Variants in COL11A2 observed in about 807,000 individuals in gnomAD.
COL11A2 encodes the protein collagen alpha-2(XI) chain.
A neutral mutation model predicts 273.4 loss-of-function variants in COL11A2; 116 were observed. The ratio of observed to expected loss-of-function variants is 0.42; its 90% CI spans 0.36 to 0.49. The LOEUF is 0.49. Ranked by LOEUF, COL11A2 falls within the 20% of genes least tolerant of loss-of-function variation. The pLI is 0.00. For missense variants in COL11A2, 1,866 were observed against 2,309.0 expected (o/e 0.81, Z 3.93); for synonymous variants, 782 against 864.2 (o/e 0.90, Z 1.67).
In COL11A2 at chr6:33,163,916, C is replaced by T; in HGVS notation, c.5071-98G>A. The stretch of plus-strand genomic sequence containing the variant: ...CTCACCTCTCCTCTGAGCACCTTGG[C>T]CCCATCAGGGTGACTCAGGATGTAC... On this transcript the variant is annotated intron_variant, in intron 65 of 65. Coordinates refer to ENST00000341947, the MANE Select transcript of COL11A2 (RefSeq NM_080680.3). The surrounding 1 kb of genome is among the most constrained non-coding windows in gnomAD (Gnocchi z 4.1). 6 of 1,572,640 alleles carry T rather than the reference C, an allele frequency of 3.8e-6. No homozygotes were observed. Among genetic ancestry groups the T allele is most frequent in the Non-Finnish European group, 5.2e-6 (6 of 1,145,888 alleles).
intron 39 of COL11A2, 68 bp downstream of exon 39, chr6:33,172,462 C>A: frequency 6.4e-7 from 1 of 1,570,358 alleles, no homozygotes; most frequent in South Asian, 1.1e-5. Flanking sequence ...AAATCTCCAA[C>A]TACCTGTTCC....
At position 33,178,134 on chromosome 6, in the gene COL11A2, G is replaced by A. The variant is rs768943535; in HGVS notation, c.1870C>T (p.Pro624Ser). The change falls in exon 21 of 66, where the codon CCT (proline) becomes TCT (serine). Residue 624 changes from proline to serine, a missense_variant and splice_region_variant. Transcript: ENST00000341947. This position sits in a 1 kb window ranked among gnomAD's most constrained non-coding sequence, Gnocchi z 4.6. ...TCAGAAGTCAGGGAGTCACTTACAGGGGGTCCAGGAATACCAGGTGGGCCT... is the reference window on the plus strand; with the variant it reads ...TCAGAAGTCAGGGAGTCACTTACAGAGGGTCCAGGAATACCAGGTGGGCCT... ...PKGPPGIPGP[P>S]GVRGMDGPQG... 3 of 1,608,804 alleles carry A rather than the reference G, an allele frequency of 1.9e-6. No individual in the cohort carries two copies. The highest frequency in any genetic ancestry group is 2.2e-5 in the South Asian group (2 of 90,618).
In COL11A2 at chr6:33,165,518, G is replaced by A; in HGVS notation, c.4750+31C>T. On this transcript the variant is annotated intron_variant, in intron 63 of 65. Coordinates refer to ENST00000341947, the MANE Select transcript of COL11A2 (RefSeq NM_080680.3). The surrounding 1 kb of genome is among the most constrained non-coding windows in gnomAD (Gnocchi z 7.7). Reference sequence around the variant, plus strand: ...TGTTCAGTACCCATGCTGTTGGGGAGATGTTTGTGCACCCTGAGGCTAGCA... The same window carrying A: ...TGTTCAGTACCCATGCTGTTGGGGAAATGTTTGTGCACCCTGAGGCTAGCA... 1 of 1,609,058 alleles carries A rather than the reference G, an allele frequency of 6.2e-7. No individual in the cohort carries two copies. The highest frequency in any genetic ancestry group is 1.3e-5 in the African/African-American group (1 of 74,994).
chr6:33,169,005 G>T lies in COL11A2; in HGVS notation c.3802C>A (p.Pro1268Thr), dbSNP rs765708556. 6.2e-7 allele frequency: 1 copy of T among 1,607,836 alleles called. No individual in the cohort carries two copies. The highest frequency in any genetic ancestry group is 1.1e-5 in the South Asian group (1 of 90,346). ...CCAGGGTCACCAGGAAAACCAACAGGACCCTGATCCAGATGGAGAATAAGA... is the reference window on the plus strand; with the variant it reads ...CCAGGGTCACCAGGAAAACCAACAGTACCCTGATCCAGATGGAGAATAAGA... ...GDDGPKGNPG[P>T]VGFPGDPGPP... The change falls in exon 52 of 66, where the codon CCT (proline) becomes ACT (threonine). Residue 1268 changes from proline (P) to threonine (T), a missense_variant. Pro to Thr is a conservative substitution (Grantham distance 38). Transcript: ENST00000341947. This position sits in a 1 kb window ranked among gnomAD's most constrained non-coding sequence, Gnocchi z 5.5.
At chr6:33,171,617 C>T in intron 42 of COL11A2, 43 bp from the exon 43 acceptor site, 5 of 1,600,026 alleles carry the variant, frequency 3.1e-6, no homozygotes, top group Non-Finnish European at 4.3e-6. Flanking sequence ...AGGTGACCCT[C>T]ACCCTCAAAC....
In COL11A2 at chr6:33,167,448, A is replaced by G. The variant is rs772910810; in HGVS notation, c.4100T>C (p.Leu1367Pro). 5 of 1,612,634 alleles carry G rather than the reference A, an allele frequency of 3.1e-6. No homozygotes were observed. Among genetic ancestry groups the G allele is most frequent in the Non-Finnish European group, 4.2e-6 (5 of 1,179,948 alleles). Residue 1367 changes from leucine to proline, a missense_variant, in exon 56 of 66, where the codon CTG becomes CCG. Physicochemically the swap from Leu to Pro is moderately conservative, Grantham distance 98. Coordinates refer to ENST00000341947, the MANE Select transcript of COL11A2 (RefSeq NM_080680.3). The surrounding 1 kb of genome is among the most constrained non-coding windows in gnomAD (Gnocchi z 6.1). ...GPAGKPGPDGLRGLPGSVGQQ... is the reference protein window; with the variant it reads ...GPAGKPGPDGPRGLPGSVGQQ... ...CACCACTGAGCCTGGGAGCCCCCTC[A>G]GACCATCAGGGCCAGGTTTCCCTGC... is the stretch of plus-strand genomic sequence containing the variant.
Position 33,177,223 on chromosome 6 carries a change from A to T in COL11A2, c.1974T>A (p.Gly658=). 6.2e-7 allele frequency: 1 copy of T among 1,612,972 alleles called. No individual in the cohort carries two copies. The highest frequency in any genetic ancestry group is 8.5e-7 in the Non-Finnish European group (1 of 1,180,000). Reference sequence around the variant, plus strand: ...CGATGGCACCCTGGGGCCCGGGAAGACCCTACATACAGGGAAAGAGAAGTC... The same window carrying T: ...CGATGGCACCCTGGGGCCCGGGAAGTCCCTACATACAGGGAAAGAGAAGTC... ...PGQQGTPGTQ[G]LPGPQGAIGP... Residue 658 remains glycine (G), a splice_region_variant and synonymous_variant, in exon 24 of 66, where the codon GGT becomes GGA. Transcript: ENST00000341947. The surrounding 1 kb of genome is among the most constrained non-coding windows in gnomAD (Gnocchi z 5.9).
chr6:33,166,540 AATGGGGCCGGATG>A lies in COL11A2; in HGVS notation c.4352_4364del (p.Ala1451ValfsTer46). ...GGAGGCCGGGGGGACCTCCAGGACC[AATGGGGCCGGATG>A]CTCCTGGGATACCCTAGGAAGGGTA... On this transcript the variant is annotated frameshift_variant, in exon 60 of 66. Coordinates refer to ENST00000341947, the MANE Select transcript of COL11A2 (RefSeq NM_080680.3). LOFTEE classifies it high-confidence loss of function. This position sits in a 1 kb window ranked among gnomAD's most constrained non-coding sequence, Gnocchi z 4.8. The A allele has an allele frequency of 6.2e-7, 1 of 1,613,838 alleles. No homozygotes were observed. Among genetic ancestry groups the A allele is most frequent in the East Asian group, 2.2e-5 (1 of 44,864 alleles).
intron 31 of COL11A2, 142 bp from the exon 32 acceptor site, chr6:33,174,360 C>A: frequency 7.2e-7 from 1 of 1,396,154 alleles, no homozygotes; most frequent in East Asian, 2.5e-5. Flanking sequence ...CTTGGACAAA[C>A]CCCTGCTGCT....
In COL11A2 at chr6:33,186,736, C is replaced by T. The variant is rs143571317; in HGVS notation, c.689G>A (p.Gly230Glu). 2.3e-5 allele frequency: 37 copies of T among 1,613,986 alleles called. No homozygotes were observed. The highest frequency in any genetic ancestry group is 2.7e-5 in the Non-Finnish European group (32 of 1,180,040). ...GTTTTGGGGTCTTTCCCTCTGGCCC[C>T]CCTCGCATTCCAGCTCCTTCTGTTC... ...SCEQKELECE[G>E]GQRERPQNQQ... is the part of the protein sequence containing the mutation. Residue 230 changes from glycine to glutamate, a missense_variant, in exon 5 of 66, where the codon GGG becomes GAG. Physicochemically the swap from Gly to Glu is moderately conservative, Grantham distance 98. Transcript: ENST00000341947.
chr6:33,178,481 G>A lies in COL11A2; in HGVS notation c.1727C>T (p.Thr576Ile). 3 of 1,612,832 alleles carry A rather than the reference G, an allele frequency of 1.9e-6. No individual in the cohort carries two copies. Among genetic ancestry groups the A allele is most frequent in the South Asian group, 1.1e-5 (1 of 91,082 alleles). The change falls in exon 19 of 66, where the codon ACT becomes ATT. Residue 576 changes from threonine (T) to isoleucine (I), a missense_variant. By Grantham distance (89) the Thr-to-Ile change is moderately conservative (BLOSUM62 -1). Transcript: ENST00000341947. This position sits in a 1 kb window ranked among gnomAD's most constrained non-coding sequence, Gnocchi z 4.6. ...GGGACCAGGAAGGCCCTGGGCACCA[G>A]TATCACCCTGCAAAATGGGGGAACT... ...LPGEKGHRGD[T>I]GAQGLPGPPG...
rs368304358 is a variant in COL11A2, at chr6:33,176,651, C to T, written c.2115+70G>A. 1.0e-3 allele frequency: 1,499 copies of T among 1,504,510 alleles called. 13 individuals carry two copies. The highest frequency in any genetic ancestry group is 2.6e-3 in the Middle Eastern group (15 of 5,854). The allele number at this position is 1,504,510 out of a possible 1,614,324, so 93.2% of individuals were successfully genotyped here. On this transcript the variant is annotated intron_variant, in intron 26 of 65. Coordinates refer to ENST00000341947, the MANE Select transcript of COL11A2 (RefSeq NM_080680.3). This position sits in a 1 kb window ranked among gnomAD's most constrained non-coding sequence, Gnocchi z 4.9. ...CATATGAATAATGAGACAAGGGAAT[C>T]CCAAGGACTTTGAGGCTCTAGAGTC...
chr6:33,192,452 G>A lies in COL11A2; in HGVS notation c.-212C>T, dbSNP rs1773259265. The stretch of plus-strand genomic sequence containing the variant: ...TCCCGGCACTGCTCCCTCCTCGGTG[G>A]CTGCCGCTTCTGTGTGTCCCCGGCC... On this transcript the variant is annotated 5_prime_UTR_variant, in exon 1 of 66. Transcript: ENST00000341947. The A allele has an allele frequency of 5.0e-6, 3 of 596,076 alleles. No homozygotes were observed. The highest frequency in any genetic ancestry group is 9.0e-6 in the Non-Finnish European group (3 of 334,806). The allele number at this position is 596,076 out of a possible 1,614,324, so 36.9% of individuals were successfully genotyped here.
chr6:33,184,946 G>C, intron 7 of COL11A2, 46 bp downstream of exon 7: 1 of 1,491,892 alleles, frequency 6.7e-7, no homozygotes, highest in Non-Finnish European at 9.1e-7. Flanking sequence ...GTGAGTCACA[G>C]GTGCCCACTG....
chr6:33,186,298 C>T (rs565257429), intron 5 of COL11A2: 92 of 962,278 alleles, frequency 9.6e-5, no homozygotes, highest in Admixed American at 4.4e-4. Context: ...CTTCAGTCCC[C>T]TCTCCTACCT....
chr6:33,192,210 G>A lies in COL11A2; in HGVS notation c.31C>T (p.Leu11Phe). ...CCCAGCACCAGAGGTAGGAGGAGGA[G>A]GAGGCGATGGCAGCGGCTGCACCGC... Reference protein sequence around the residue: MERCSRCHRLLLLLPLVLGLS... With the variant: MERCSRCHRLFLLLPLVLGLS... The change falls in exon 1 of 66, where the codon CTC becomes TTC. Residue 11 changes from leucine to phenylalanine, a missense_variant. Transcript: ENST00000341947. 1 of 1,566,202 alleles carries A rather than the reference G, an allele frequency of 6.4e-7. No homozygotes were observed. The highest frequency in any genetic ancestry group is 8.7e-7 in the Non-Finnish European group (1 of 1,155,456).
rs1383480377 is a variant in COL11A2, at chr6:33,172,534, G to T, written c.2894C>A (p.Thr965Lys). ...TCTGCCTGGCCCCTCACTGACCTTT[G>T]TTCCTTCTTTTCCAGCTGTCCCAGG... ...GLPGTAGKEGTKGDPGPPGAP... is the reference protein window; with the variant it reads ...GLPGTAGKEGKKGDPGPPGAP... Residue 965 changes from threonine to lysine, a missense_variant, in exon 39 of 66, where the codon ACA (threonine) becomes AAA (lysine). Physicochemically the swap from Thr to Lys is moderately conservative, Grantham distance 78 (BLOSUM62 -1). Coordinates refer to ENST00000341947, the MANE Select transcript of COL11A2 (RefSeq NM_080680.3). 2 of 1,611,986 alleles carry T rather than the reference G, an allele frequency of 1.2e-6. No individual in the cohort carries two copies. Among genetic ancestry groups the T allele is most frequent in the African/African-American group, 2.7e-5 (2 of 74,600 alleles).
rs1770904804 is a variant in COL11A2, at chr6:33,176,370, C to T, written c.2169+63G>A. The T allele has an allele frequency of 6.2e-7, 1 of 1,603,066 alleles. No individual in the cohort carries two copies. Among genetic ancestry groups the T allele is most frequent in the Non-Finnish European group, 8.5e-7 (1 of 1,174,290 alleles). On this transcript the variant is annotated intron_variant, in intron 27 of 65. Transcript: ENST00000341947. This position sits in a 1 kb window ranked among gnomAD's most constrained non-coding sequence, Gnocchi z 4.9. ...GGAGGTGGGTTGGAAGGACCAAGCT[C>T]CTAAGACCCCATATAGCTCCCCTGA...
rs1768979538 is a variant in COL11A2 at position 33,165,512 on chromosome 6, T to C, written c.4750+37A>G. 1 of 1,607,888 alleles carries C rather than the reference T, an allele frequency of 6.2e-7. No individual in the cohort carries two copies. The highest frequency in any genetic ancestry group is 1.7e-5 in the Admixed American group (1 of 59,992). Reference sequence around the variant, plus strand: ...TCTGCTTGTTCAGTACCCATGCTGTTGGGGAGATGTTTGTGCACCCTGAGG... The same window carrying C: ...TCTGCTTGTTCAGTACCCATGCTGTCGGGGAGATGTTTGTGCACCCTGAGG... On this transcript the variant is annotated intron_variant, in intron 63 of 65. Transcript: ENST00000341947. The surrounding 1 kb of genome is among the most constrained non-coding windows in gnomAD (Gnocchi z 7.7).
Sources: gnomAD v4.1 joint callset for allele counts on GRCh38, gnomAD v4.1.1 for gene constraint, Gnocchi (gnomAD v3.1) non-coding constraint, MANE v1.5 for transcripts, NCBI Gene and HGNC (gene_info 2026-07-23, HGNC 2026-07-21) for gene names.